Variants in GAPDHS observed in about 807,000 individuals in gnomAD.
GAPDHS encodes glyceraldehyde-3-phosphate dehydrogenase, testis-specific.
Under a neutral mutation model 48.7 loss-of-function variants are expected in GAPDHS, and 42 were observed. The ratio of observed to expected loss-of-function variants is 0.86; its 90% CI spans 0.67 to 1.12. GAPDHS has a LOEUF of 1.12. Ranked by LOEUF, GAPDHS falls within the 50% of genes most tolerant of loss-of-function variation. The pLI, the probability that GAPDHS is intolerant of heterozygous loss-of-function variation, is 0.00. For missense variants in GAPDHS, 512 were observed against 557.7 expected (o/e 0.92, Z 0.82); for synonymous variants, 166 against 219.1 (o/e 0.76, Z 2.14).
In GAPDHS at chr19:35,533,587, G is replaced by A. The variant is rs766730375; in HGVS notation, c.60G>A (p.Pro20=). The change falls in exon 1 of 11, where the codon CCG becomes CCA. Residue 20 remains proline (P), a synonymous_variant. Coordinates refer to ENST00000222286, the MANE Select transcript of GAPDHS (RefSeq NM_014364.5). ...CCGTTGTCCAGTTGCTGCGACAGCC[G>A]TGCCCGGGTGAGGGAGGCAGCGGAG... is the stretch of plus-strand genomic sequence containing the variant. ...NVTVVQLLRQ[P]CPVTRAPPPP... 3.7e-6 allele frequency: 6 copies of A among 1,611,206 alleles called. No homozygotes were observed. The highest frequency in any genetic ancestry group is 4.2e-6 in the Non-Finnish European group (5 of 1,178,984).
intron 4 of GAPDHS, 137 bp downstream of exon 4, chr19:35,538,820 C>G: frequency 1.5e-6 from 1 of 660,392 alleles, no homozygotes; most frequent in Non-Finnish European, 2.8e-6. Flanking sequence ...CCTCTAGGTA[C>G]TAATTTGAAG....
chr19:35,535,056 G>A (rs964040760), intron 1 of GAPDHS, among the ~76,000 whole-genome samples: 3 of 152,204 alleles, frequency 2.0e-5, no homozygotes, highest in Non-Finnish European at 4.4e-5. Context: ...GCAGCCCCTA[G>A]GTGGGGGATC....
intron 1 of GAPDHS, among the ~76,000 whole-genome samples, chr19:35,534,044 G>C (rs4806174): frequency 0.17 from 25,229 of 152,274 alleles, 2,725 homozygotes; most frequent in East Asian, 0.37. Context: ...GGGACGTGCT[G>C]ACCACTTCGC....
chr19:35,545,097 G>A lies in GAPDHS; in HGVS notation c.1155-1G>A, dbSNP rs757157270. ...TGAACCTCCCGACCCCTCCTCCACA[G>A]GTACGACAACGAATATGGCTACAGT... On this transcript the variant is annotated splice_acceptor_variant, in intron 10 of 10. Coordinates refer to ENST00000222286, the MANE Select transcript of GAPDHS (RefSeq NM_014364.5). LOFTEE classifies it high-confidence loss of function. 8.1e-6 allele frequency: 13 copies of A among 1,613,986 alleles called. No homozygotes were observed. The highest frequency in any genetic ancestry group is 2.2e-5 in the South Asian group (2 of 91,082).
chr19:35,538,681 G>A lies in GAPDHS; in HGVS notation c.447G>A (p.Gln149=). 2 of 1,553,074 alleles carry A rather than the reference G, an allele frequency of 1.3e-6. No individual in the cohort carries two copies. The highest frequency in any genetic ancestry group is 2.2e-5 in the South Asian group (2 of 89,818). ...ACAACCATGAGATCTCTGTCTACCA[G>A]TGGTAAGGAAAGCATCTGTCTGATG... ...VVDNHEISVY[Q]CKEPKQIPWR... Residue 149 remains glutamine (Q), a splice_region_variant and synonymous_variant, in exon 4 of 11, where the codon CAG becomes CAA. Transcript: ENST00000222286.
At position 35,542,869 on chromosome 19, in the gene GAPDHS, C is replaced by A. The variant is rs140780234; in HGVS notation, c.660-76C>A. On this transcript the variant is annotated intron_variant, in intron 6 of 10. Transcript: ENST00000222286. ...TCATAAAACCAAGTCTGCGTGCATA[C>A]CCCAAGAGGGGTAAGGGTGGAGGGG... 7.1e-5 allele frequency: 79 copies of A among 1,110,224 alleles called. No individual in the cohort carries two copies. The African/African-American group carries it at 1.0e-3, about 15-fold the overall frequency. The allele number at this position is 1,110,224 out of a possible 1,614,324, so 68.8% of individuals were successfully genotyped here. A position where few individuals can be genotyped will look rare whatever the true frequency, so the allele number is the denominator to read the frequency against.
chr19:35,544,027 T>TA (rs1245875914), intron 9 of GAPDHS, 200 bp downstream of exon 9: 5 of 976,572 alleles, frequency 5.1e-6, no homozygotes, highest in Non-Finnish European at 7.1e-6. Context: ...AGTCTGTCCT[T>TA]ACTTCCTCCA....
rs991383303 is a variant in GAPDHS, at chr19:35,540,145, G to A, written c.449+1462G>A. Among the ~76,000 whole-genome samples, 5 of 152,364 alleles carry A rather than the reference G, an allele frequency of 3.3e-5. No individual in the cohort carries two copies. The South Asian group carries it at 6.2e-4, about 19-fold the overall frequency. ...GGATGATGAGCAAACCCACCACAGC[G>A]GTAGCTGGGAGCACGAATGGAGTGA... is the stretch of plus-strand genomic sequence containing the variant. On this transcript the variant is annotated intron_variant, in intron 4 of 10. Transcript: ENST00000222286.
chr19:35,533,625 G>A (rs1453587072), intron 1 of GAPDHS, 31 bp downstream of exon 1: 9 of 1,561,352 alleles, frequency 5.8e-6, no homozygotes, highest in Non-Finnish European at 7.9e-6. Context: ...CGCGGGGGAG[G>A]GGTGGAAAGG....
intron 1 of GAPDHS, among the ~76,000 whole-genome samples, chr19:35,535,024 G>A (rs765665061): frequency 6.6e-6 from 1 of 152,244 alleles, no homozygotes; most frequent in South Asian, 2.1e-4. Flanking sequence ...TGTGGGCCTC[G>A]AGATCTCACT....
At chr19:35,542,164 G>A in intron 4 of GAPDHS, 155 bp from the exon 5 acceptor site, 1 of 624,738 alleles carries the variant, frequency 1.6e-6, no homozygotes, top group Non-Finnish European at 2.9e-6. Context: ...CAGCGGGGTG[G>A]AGCCCATCTG....
At position 35,543,828 on chromosome 19, in the gene GAPDHS, G is replaced by T; in HGVS notation, c.1056+1G>T. The T allele has an allele frequency of 1.2e-6, 2 of 1,609,152 alleles. No homozygotes were observed. Among genetic ancestry groups the T allele is most frequent in the Non-Finnish European group, 8.5e-7 (1 of 1,178,076 alleles). ...CATCCTTGCCTACACCGAGGATGAG[G>T]TAGGGGCTGAGGAGAGGAGACCCTG... is the stretch of plus-strand genomic sequence containing the variant. On this transcript the variant is annotated splice_donor_variant, in intron 9 of 10. Coordinates refer to ENST00000222286, the MANE Select transcript of GAPDHS (RefSeq NM_014364.5). LOFTEE classifies it high-confidence loss of function.
chr19:35,544,567 G>A (rs1370276017), intron 9 of GAPDHS: 1 of 320,660 alleles, frequency 3.1e-6, no homozygotes, highest in Non-Finnish European at 5.9e-6. Flanking sequence ...GCCCCAGCCG[G>A]TCAGATCTTT....
intron 6 of GAPDHS, 133 bp downstream of exon 6, chr19:35,542,741 G>A: frequency 1.3e-6 from 1 of 764,546 alleles, no homozygotes; most frequent in Non-Finnish European, 2.2e-6. Flanking sequence ...AAAAACGCAT[G>A]ACTTCCAGAG....
At chr19:35,534,444 A>G (rs2071452423) in intron 1 of GAPDHS, among the ~76,000 whole-genome samples, 1 of 152,100 alleles carries the variant, frequency 6.6e-6, no homozygotes, top group Non-Finnish European at 1.5e-5. Context: ...TCCCCTCTGT[A>G]AAGTGGGTTT....
At chr19:35,543,592 G>A (rs2071521432) in intron 8 of GAPDHS, 73 bp from the exon 9 acceptor site, 2 of 1,583,798 alleles carry the variant, frequency 1.3e-6, no homozygotes, top group African/African-American at 1.3e-5. Context: ...GCCTGGCCCA[G>A]CCACAGGGAA....
intron 5 of GAPDHS, 24 bp downstream of exon 5, chr19:35,542,433 G>A: frequency 1.3e-6 from 2 of 1,599,880 alleles, no homozygotes; most frequent in Non-Finnish European, 8.6e-7. Context: ...AGGTGCCCAG[G>A]GCTAGCTGGG....
At position 35,542,373 on chromosome 19, in the gene GAPDHS, G is replaced by A; in HGVS notation, c.504G>A (p.Glu168=). 6.2e-7 allele frequency: 1 copy of A among 1,612,686 alleles called. No homozygotes were observed. The highest frequency in any genetic ancestry group is 8.5e-7 in the Non-Finnish European group (1 of 1,179,086). ...WRAVGSPYVV[E]STGVYLSIQA... ...CTGTCGGGAGCCCCTACGTGGTGGAGTCCACAGGCGTGTACCTCTCCATAC... is the reference window on the plus strand; with the variant it reads ...CTGTCGGGAGCCCCTACGTGGTGGAATCCACAGGCGTGTACCTCTCCATAC... Residue 168 remains glutamate (E), a synonymous_variant, in exon 5 of 11, where the codon GAG becomes GAA. Coordinates refer to ENST00000222286, the MANE Select transcript of GAPDHS (RefSeq NM_014364.5).
chr19:35,543,235 G>A, intron 7 of GAPDHS, 105 bp from the exon 8 acceptor site: 1 of 1,339,106 alleles, frequency 7.5e-7, no homozygotes. Flanking sequence ...CTGTGGTGGT[G>A]GCCCCACCAG....
Sources: allele counts gnomAD v4.1 joint callset (sites outside exome capture counted in the v4.1 genomes callset), GRCh38; gene constraint gnomAD v4.1.1; transcripts MANE v1.5; gene names NCBI Gene and HGNC (gene_info 2026-07-23, HGNC 2026-07-21).